CTNNA2: variants seen among roughly 807,000 people sequenced by gnomAD.
CTNNA2 encodes the protein catenin alpha-2.
CTNNA2 carries 42 observed loss-of-function variants against 101.0 expected under a neutral mutation model. That is an observed-to-expected ratio of 0.42 (90% CI 0.32 to 0.54). CTNNA2 has a LOEUF of 0.54. Ranked by LOEUF, CTNNA2 falls within the 20% of genes least tolerant of loss-of-function variation. The pLI, the probability that CTNNA2 is intolerant of heterozygous loss-of-function variation, is 0.14. For missense variants in CTNNA2, 871 were observed against 1,223.1 expected, an observed-to-expected ratio of 0.71 and a Z score of 4.29; for synonymous variants, 450 against 456.4, an observed-to-expected ratio of 0.99 and a Z score of 0.18.
intron 9 of CTNNA2, among the ~76,000 whole-genome samples, chr2:80,523,411 A>G (rs1689744779): frequency 6.6e-6 from 1 of 152,194 alleles, no homozygotes; most frequent in Non-Finnish European, 1.5e-5. Context: ...GGGGCACTGG[A>G]AAGAGAAGCA....
chr2:80,387,687 T>C (rs1376358362), intron 7 of CTNNA2, among the ~76,000 whole-genome samples: 3 of 152,222 alleles, frequency 2.0e-5, no homozygotes, highest in African/African-American at 7.2e-5. Flanking sequence ...TTTAGCAAAC[T>C]GGACTTGAAT....
intron 9 of CTNNA2, among the ~76,000 whole-genome samples, chr2:80,461,887 T>C (rs1435718096): frequency 6.6e-6 from 1 of 152,176 alleles, no homozygotes; most frequent in Non-Finnish European, 1.5e-5. Flanking sequence ...TCCTACAGCA[T>C]TTCTAGAAGG....
intron 18 of CTNNA2, among the ~76,000 whole-genome samples, chr2:80,638,338 G>A (rs1358006418): frequency 6.6e-6 from 1 of 152,062 alleles, no homozygotes; most frequent in African/African-American, 2.4e-5. Context: ...GGGGGTGCCT[G>A]AAAGCCCATT....
chr2:80,603,321 A>T (rs983722090), intron 15 of CTNNA2, among the ~76,000 whole-genome samples: 1 of 152,154 alleles, frequency 6.6e-6, no homozygotes, highest in African/African-American at 2.4e-5. Context: ...ATATAATATT[A>T]AACACTTCAC....
intron 7 of CTNNA2, among the ~76,000 whole-genome samples, chr2:79,946,836 G>T (rs1035562812): frequency 1.3e-5 from 2 of 152,174 alleles, no homozygotes; most frequent in African/African-American, 4.8e-5. Context: ...TCAGCACAAT[G>T]AGCCAAAGCT....
At chr2:79,717,210 C>T (rs182170059) in intron 2 of CTNNA2, among the ~76,000 whole-genome samples, 1 of 152,078 alleles carries the variant, frequency 6.6e-6, no homozygotes, top group African/African-American at 2.4e-5. Flanking sequence ...ATGTAAGTAT[C>T]TTATTTTGAT....
chr2:79,858,412 A>G (rs189249579), intron 4 of CTNNA2, among the ~76,000 whole-genome samples: 83 of 152,124 alleles, frequency 5.5e-4, no homozygotes, highest in African/African-American at 1.9e-3. Flanking sequence ...AAAAACTGAG[A>G]GTTTAGATTT....
chr2:80,056,025 C>T (rs1697192664), intron 7 of CTNNA2, among the ~76,000 whole-genome samples: 1 of 152,176 alleles, frequency 6.6e-6, no homozygotes, highest in South Asian at 2.1e-4. Flanking sequence ...ATTTAAACAA[C>T]TGGGCAATGC....
At chr2:79,702,093 A>C (rs1685048777) in intron 2 of CTNNA2, among the ~76,000 whole-genome samples, 2 of 151,602 alleles carry the variant, frequency 1.3e-5, no homozygotes, top group Admixed American at 1.3e-4. Flanking sequence ...TAAGCATGGC[A>C]TGAATGGGGT....
intron 9 of CTNNA2, among the ~76,000 whole-genome samples, chr2:80,522,802 G>A (rs542577040): frequency 2.0e-4 from 31 of 152,270 alleles, no homozygotes; most frequent in African/African-American, 7.2e-4. Flanking sequence ...CGTACAGCCT[G>A]CAAAACCATG....
intron 9 of CTNNA2, among the ~76,000 whole-genome samples, chr2:80,484,098 A>G (rs2149504861): frequency 6.6e-6 from 1 of 152,298 alleles, no homozygotes; most frequent in Non-Finnish European, 1.5e-5. Flanking sequence ...ATGAGTTAGA[A>G]ATAAAGTACC....
chr2:79,461,935 G>A (rs915934270), intron 4 of CTNNA2, among the ~76,000 whole-genome samples: 1 of 151,902 alleles, frequency 6.6e-6, no homozygotes, highest in Admixed American at 6.6e-5. Context: ...CCAATGTACA[G>A]TAGCAAAAAT....
chr2:80,445,784 G>C (rs949585125), intron 9 of CTNNA2, among the ~76,000 whole-genome samples: 1 of 152,138 alleles, frequency 6.6e-6, no homozygotes, highest in African/African-American at 2.4e-5. Context: ...AGTGGCCTTG[G>C]GAACAAATAA....
intron 7 of CTNNA2, among the ~76,000 whole-genome samples, chr2:80,139,050 C>T (rs1242622170): frequency 1.3e-5 from 2 of 152,080 alleles, no homozygotes; most frequent in Admixed American, 1.3e-4. Flanking sequence ...TTGCTCTAAG[C>T]GACCTATGGA....
chr2:79,835,530 T>TA (rs1328000998), intron 3 of CTNNA2, among the ~76,000 whole-genome samples: 1 of 152,074 alleles, frequency 6.6e-6, no homozygotes, highest in Non-Finnish European at 1.5e-5. Flanking sequence ...TTTCAGGCAA[T>TA]ACCTCCCTGA....
chr2:80,216,045 A>G (rs113960507), intron 7 of CTNNA2, among the ~76,000 whole-genome samples: 4,477 of 152,294 alleles, frequency 0.029, 236 homozygotes, highest in African/African-American at 0.1. Flanking sequence ...CTCCATGGGC[A>G]TGGGACCCTC....
At chr2:80,617,371 T>C (rs1459015109) in intron 17 of CTNNA2, among the ~76,000 whole-genome samples, 1 of 151,674 alleles carries the variant, frequency 6.6e-6, no homozygotes, top group Non-Finnish European at 1.5e-5. Flanking sequence ...TAAAACTTCA[T>C]AGGGCCATTA....
At chr2:80,020,705 C>T (rs1158316797) in intron 7 of CTNNA2, among the ~76,000 whole-genome samples, 1 of 152,054 alleles carries the variant, frequency 6.6e-6, no homozygotes, top group African/African-American at 2.4e-5. Flanking sequence ...CTTGTGTTCT[C>T]GTCTTTTGGT....
chr2:80,467,040 A>G (rs147940533), intron 9 of CTNNA2, among the ~76,000 whole-genome samples: 291 of 152,324 alleles, frequency 1.9e-3, no homozygotes, highest in Middle Eastern at 3.4e-3. Flanking sequence ...ACCTGTGATT[A>G]GGCATGCCAT....
Sources: allele counts gnomAD v4.1 joint callset (sites outside exome capture counted in the v4.1 genomes callset), GRCh38; gene constraint gnomAD v4.1.1; transcripts MANE v1.5; gene names NCBI Gene and HGNC (gene_info 2026-07-23, HGNC 2026-07-21).